CDH20: variants seen among roughly 807,000 people sequenced by gnomAD.
CDH20 encodes the protein cadherin-20.
In CDH20, 29 loss-of-function variants were observed where a neutral mutation model predicts 74.2. The observed-to-expected ratio is 0.39, with a 90% CI of 0.29 to 0.53. The LOEUF is 0.53. CDH20 is among the 20% of genes least tolerant of loss of function. CDH20 has a pLI of 0.69. For synonymous variants in CDH20, 469 were observed against 405.4 expected (o/e 1.16, Z -1.88); for missense variants, 988 against 1,048.3 (o/e 0.94, Z 0.79).
At position 61,485,232 on chromosome 18, in the gene CDH20, CA is replaced by C. The variant is rs139883911; in HGVS notation, c.-152-5168del. On this transcript the variant is annotated intron_variant, in intron 1 of 11. Coordinates refer to ENST00000262717, the MANE Select transcript of CDH20 (RefSeq NM_031891.4). ...AATTCTTCGATTCTCCATACACCAT[CA>C]ATGTATTAACAGCTTCTCTGAGGAG... 3.8e-3 allele frequency among the ~76,000 whole-genome samples: 583 copies of C among 152,286 alleles called. 3 individuals are homozygous for C. Among genetic ancestry groups the C allele is most frequent in the African/African-American group, 0.013 (550 of 41,554 alleles).
intron 1 of CDH20, among the ~76,000 whole-genome samples, chr18:61,376,445 A>G (rs901799583): frequency 1.3e-5 from 2 of 152,138 alleles, no homozygotes; most frequent in African/African-American, 4.8e-5. Context: ...TTAAATATGG[A>G]ACATAAATGG....
At chr18:61,537,088 A>G (rs2144388217) in intron 8 of CDH20, among the ~76,000 whole-genome samples, 1 of 152,262 alleles carries the variant, frequency 6.6e-6, no homozygotes, top group Non-Finnish European at 1.5e-5. Flanking sequence ...TAACGTAATA[A>G]ACTTATAAAT....
chr18:61,415,404 G>C (rs555885032), intron 1 of CDH20, among the ~76,000 whole-genome samples: 34 of 152,232 alleles, frequency 2.2e-4, no homozygotes, highest in African/African-American at 7.9e-4. Flanking sequence ...CATTGTAAAG[G>C]ATGAAACAGC....
intron 7 of CDH20, among the ~76,000 whole-genome samples, chr18:61,530,408 T>C (rs1375739372): frequency 6.6e-6 from 1 of 152,248 alleles, no homozygotes; most frequent in Non-Finnish European, 1.5e-5. Flanking sequence ...TTTAAAATAA[T>C]GTGTATAGTT....
intron 1 of CDH20, among the ~76,000 whole-genome samples, chr18:61,435,468 AG>A (rs1908800167): frequency 6.6e-6 from 1 of 152,128 alleles, no homozygotes; most frequent in Non-Finnish European, 1.5e-5. Flanking sequence ...TTCCCAGGAC[AG>A]TTTGCATCAT....
chr18:61,389,307 C>G (rs1322684232), intron 1 of CDH20, among the ~76,000 whole-genome samples: 3 of 152,150 alleles, frequency 2.0e-5, no homozygotes, highest in African/African-American at 7.2e-5. Context: ...ACTTCCCCAG[C>G]TTTAAGTAAC....
intron 1 of CDH20, among the ~76,000 whole-genome samples, chr18:61,378,429 C>T (rs1017152429): frequency 5.3e-5 from 8 of 152,160 alleles, no homozygotes; most frequent in Admixed American, 1.3e-4. Flanking sequence ...AGCAAACTTC[C>T]CCCTTACACA....
chr18:61,353,486 T>C lies in CDH20; in HGVS notation c.-153+19659T>C, dbSNP rs1238800412. ...CCAGTACTAATCATTTGTCTACTTG[T>C]GGTCCTCTTGTTTTTTCTAGAAGAT... On this transcript the variant is annotated intron_variant, in intron 1 of 11. Transcript: ENST00000262717. The surrounding 1 kb of genome is among the most constrained non-coding windows in gnomAD (Gnocchi z 4.6). Among the ~76,000 whole-genome samples, 1 of 152,256 alleles carries C rather than the reference T, an allele frequency of 6.6e-6. No individual in the cohort carries two copies. Among genetic ancestry groups the C allele is most frequent in the African/African-American group, 2.4e-5 (1 of 41,468 alleles).
At chr18:61,527,398 G>GATAGATAGATAA in intron 6 of CDH20, among the ~76,000 whole-genome samples, 1 of 147,764 alleles carries the variant, frequency 6.8e-6, no homozygotes, top group East Asian at 2.0e-4. Flanking sequence ...TAGATAGATA[G>GATAGATAGATAA]ATAGATAGAT....
intron 1 of CDH20, among the ~76,000 whole-genome samples, chr18:61,409,988 G>A (rs1912446165): frequency 6.6e-6 from 1 of 152,160 alleles, no homozygotes; most frequent in Non-Finnish European, 1.5e-5. Context: ...CTGGTTCTGA[G>A]AACCAGGTGC....
intron 1 of CDH20, among the ~76,000 whole-genome samples, chr18:61,421,751 A>T (rs749979897): frequency 6.6e-6 from 1 of 152,198 alleles, no homozygotes; most frequent in Non-Finnish European, 1.5e-5. Context: ...CCTCAAAAAT[A>T]TGTATACCTA....
At chr18:61,424,142 G>T (rs919914289) in intron 1 of CDH20, among the ~76,000 whole-genome samples, 1 of 152,188 alleles carries the variant, frequency 6.6e-6, no homozygotes, top group African/African-American at 2.4e-5. Flanking sequence ...TTTGATACAT[G>T]CATATGATGT....
At chr18:61,397,763 C>A (rs1429959776) in intron 1 of CDH20, among the ~76,000 whole-genome samples, 1 of 152,138 alleles carries the variant, frequency 6.6e-6, no homozygotes, top group Non-Finnish European at 1.5e-5. Context: ...AGTTACTCAA[C>A]CTCTGTGACT....
At chr18:61,485,784 C>A (rs576889174) in intron 1 of CDH20, among the ~76,000 whole-genome samples, 103 of 152,232 alleles carry the variant, frequency 6.8e-4, no homozygotes, top group African/African-American at 1.9e-3. Flanking sequence ...TAGAAAAAAA[C>A]CCATTTTGGC....
chr18:61,379,762 G>A (rs1911370601), intron 1 of CDH20, among the ~76,000 whole-genome samples: 1 of 152,124 alleles, frequency 6.6e-6, no homozygotes, highest in African/African-American at 2.4e-5. Context: ...GTGTCCTGAT[G>A]TAATTTGCTG....
chr18:61,539,053 G>C lies in CDH20; in HGVS notation c.1438G>C (p.Val480Leu), dbSNP rs568329311. Residue 480 changes from valine to leucine, a missense_variant, in exon 9 of 12, where the codon GTC becomes CTC. Physicochemically the swap from Val to Leu is conservative, Grantham distance 32 (BLOSUM62 1). Coordinates refer to ENST00000262717, the MANE Select transcript of CDH20 (RefSeq NM_031891.4). The part of the protein sequence containing the change: ...NNPSQVGSVP[V>L]TIKVLDVNDN... ...TCCCTCCCAGGTTGGAAGTGTTCCT[G>C]TCACAATCAAAGTCTTAGATGTGAA... The C allele has an allele frequency of 1.1e-5, 18 of 1,613,892 alleles. No individual in the cohort carries two copies. The East Asian group carries it at 2.7e-4, about 24-fold the overall frequency.
At chr18:61,374,835 CT>C (rs1911163240) in intron 1 of CDH20, among the ~76,000 whole-genome samples, 1 of 152,054 alleles carries the variant, frequency 6.6e-6, no homozygotes, top group South Asian at 2.1e-4. Context: ...AAGGGTGTTT[CT>C]TTCCTGGCTA....
intron 1 of CDH20, among the ~76,000 whole-genome samples, chr18:61,415,002 G>A (rs755345567): frequency 2.8e-4 from 42 of 151,946 alleles, no homozygotes; most frequent in African/African-American, 4.1e-4. Flanking sequence ...TCTAAATGCA[G>A]GAAAAATATC....
intron 1 of CDH20, among the ~76,000 whole-genome samples, chr18:61,354,117 AG>A (rs1414422245): frequency 6.6e-6 from 1 of 152,116 alleles, no homozygotes; most frequent in Non-Finnish European, 1.5e-5. Context: ...CCACATTTCC[AG>A]GGCACAGCAG....
Sources: gnomAD v4.1 joint callset for allele counts (sites outside exome capture counted in the v4.1 genomes callset) on GRCh38, gnomAD v4.1.1 for gene constraint, Gnocchi (gnomAD v3.1) non-coding constraint, MANE v1.5 for transcripts, NCBI Gene and HGNC (gene_info 2026-07-23, HGNC 2026-07-21) for gene names.